NDUFA9: variants seen among roughly 807,000 people sequenced by gnomAD.
NDUFA9 encodes NADH dehydrogenase [ubiquinone] 1 alpha subcomplex subunit 9, mitochondrial.
In NDUFA9, 23 loss-of-function variants were observed where a neutral mutation model predicts 45.9. The ratio of observed to expected loss-of-function variants is 0.50; its 90% confidence interval spans 0.36 to 0.71. The LOEUF (loss-of-function observed/expected upper bound fraction) is 0.71. NDUFA9 is among the 30% of genes least tolerant of loss of function. NDUFA9 has a pLI of 0.00. For synonymous variants in NDUFA9, 176 were observed against 170.5 expected (o/e 1.03, Z -0.25); for missense variants, 466 against 488.2 (o/e 0.95, Z 0.43).
intron 8 of NDUFA9, among the ~76,000 whole-genome samples, chr12:4,676,960 C>T (rs1026530712): frequency 6.6e-6 from 1 of 152,116 alleles, no homozygotes; most frequent in Non-Finnish European, 1.5e-5. Context: ...GGTATATAGA[C>T]CAATGGGACA....
intron 1 of NDUFA9, 44 bp downstream of exon 1, chr12:4,649,219 A>G: frequency 6.3e-7 from 1 of 1,576,344 alleles, no homozygotes. Context: ...GGATTCCGAG[A>G]CGGGGATTTA....
intron 7 of NDUFA9, 45 bp downstream of exon 7, chr12:4,668,569 T>C (rs1299064677): frequency 1.3e-6 from 2 of 1,508,918 alleles, no homozygotes; most frequent in Non-Finnish European, 1.8e-6. Context: ...TTTTGATGAA[T>C]TCAGATTTGA....
intron 8 of NDUFA9, among the ~76,000 whole-genome samples, chr12:4,679,768 G>C (rs537030446): frequency 5.9e-5 from 9 of 152,200 alleles, no homozygotes; most frequent in Non-Finnish European, 1.2e-4. Context: ...GTAAAGAGAA[G>C]GCTATGAAAC....
At chr12:4,662,332 C>G (rs990118074) in intron 5 of NDUFA9, among the ~76,000 whole-genome samples, 3 of 152,218 alleles carry the variant, frequency 2.0e-5, no homozygotes, top group Non-Finnish European at 4.4e-5. Context: ...AGACCCAACC[C>G]AATCTGTAAG....
chr12:4,685,272 G>A lies in NDUFA9; in HGVS notation c.910G>A (p.Val304Ile), dbSNP rs1490425604. 2 of 1,613,990 alleles carry A rather than the reference G, an allele frequency of 1.2e-6. No individual in the cohort carries two copies. Among genetic ancestry groups the A allele is most frequent in the Admixed American group, 1.7e-5 (1 of 60,030 alleles). ...TTCTCTTTCCAGATGGGTAGCAAGA[G>A]TCTTTGAAATAAGCCCATTTGAGCC... ...PLFAYRWVAR[V>I]FEISPFEPWI... Residue 304 changes from valine (V) to isoleucine (I), a missense_variant, in exon 10 of 11, where the codon GTC becomes ATC. Physicochemically the swap from Val to Ile is conservative, Grantham distance 29 (BLOSUM62 3). Transcript: ENST00000266544.
At chr12:4,674,311 C>T (rs1290490148) in intron 8 of NDUFA9, among the ~76,000 whole-genome samples, 2 of 152,180 alleles carry the variant, frequency 1.3e-5, no homozygotes, top group Non-Finnish European at 2.9e-5. Context: ...CAAATTCACA[C>T]ATAACAATAT....
At chr12:4,680,992 AG>A (rs1307839522) in intron 8 of NDUFA9, among the ~76,000 whole-genome samples, 1 of 152,236 alleles carries the variant, frequency 6.6e-6, no homozygotes, top group Non-Finnish European at 1.5e-5. Context: ...GTATGTGATA[AG>A]GGTGACATTT....
At chr12:4,654,494 A>G (rs1945778013) in intron 2 of NDUFA9, 32 bp downstream of exon 2, 1 of 1,608,472 alleles carries the variant, frequency 6.2e-7, no homozygotes, top group African/African-American at 1.3e-5. Flanking sequence ...CATATGCTCC[A>G]TTGCCATTGA....
At chr12:4,666,637 C>G (rs935003781) in intron 6 of NDUFA9, among the ~76,000 whole-genome samples, 2 of 152,056 alleles carry the variant, frequency 1.3e-5, no homozygotes, top group African/African-American at 4.8e-5. Context: ...TTATCTTTCC[C>G]CATTGAATGG....
At chr12:4,668,815 T>G (rs1474080342) in intron 7 of NDUFA9, 14 of 372,258 alleles carry the variant, frequency 3.8e-5, no homozygotes, top group Non-Finnish European at 7.0e-5. Flanking sequence ...GTTCTCAAAT[T>G]GCTTTCAGTC....
In NDUFA9 at chr12:4,662,568, G is replaced by C. The variant is rs138434279; in HGVS notation, c.588G>C (p.Pro196=). The change falls in exon 6 of 11, where the codon CCG becomes CCC. Residue 196 remains proline, a synonymous_variant. Transcript: ENST00000266544. The part of the protein sequence containing the change: ...VGEKVVRDAF[P]EAIIVKPSDI... Reference sequence around the variant, plus strand: ...AGAAAGTAGTGAGAGATGCATTTCCGGAAGCCATTATCGTAAAGCCGTCGG... The same window carrying C: ...AGAAAGTAGTGAGAGATGCATTTCCCGAAGCCATTATCGTAAAGCCGTCGG... 6.2e-7 allele frequency: 1 copy of C among 1,613,878 alleles called. No homozygotes were observed. The highest frequency in any genetic ancestry group is 1.1e-5 in the South Asian group (1 of 91,060).
chr12:4,652,168 A>G (rs1352111636), intron 1 of NDUFA9, among the ~76,000 whole-genome samples: 7 of 152,128 alleles, frequency 4.6e-5, no homozygotes, highest in African/African-American at 1.2e-4. Flanking sequence ...ACAGTGGGTG[A>G]GCTCCTTCTG....
chr12:4,673,819 A>G (rs1252818394), intron 8 of NDUFA9, among the ~76,000 whole-genome samples: 6 of 152,140 alleles, frequency 3.9e-5, no homozygotes, highest in Non-Finnish European at 1.5e-5. Context: ...TACAGAGAAC[A>G]CCACAAAGAT....
intron 8 of NDUFA9, among the ~76,000 whole-genome samples, chr12:4,679,727 G>T (rs1945941614): frequency 6.6e-6 from 1 of 152,186 alleles, no homozygotes; most frequent in African/African-American, 2.4e-5. Context: ...ATTTGGAGAA[G>T]TTTCCCTGTA....
chr12:4,654,589 AT>A, intron 2 of NDUFA9, 127 bp downstream of exon 2: 1 of 1,162,172 alleles, frequency 8.6e-7, no homozygotes, highest in Non-Finnish European at 1.2e-6. Context: ...GATGTATGTA[AT>A]TTTTATTTGT....
In NDUFA9 at chr12:4,689,227, AT is replaced by A. The variant is rs1946005276; in HGVS notation, c.*2123del. ...TTCTGTCTTAACTGTAATTATCTTCATTTTCTAGCAATGCTATTTCTCATCT... is the reference window on the plus strand; with the variant it reads ...TTCTGTCTTAACTGTAATTATCTTCATTTCTAGCAATGCTATTTCTCATCT... On this transcript the variant is annotated 3_prime_UTR_variant, in exon 11 of 11. Coordinates refer to ENST00000266544, the MANE Select transcript of NDUFA9 (RefSeq NM_005002.5). 2 of 152,108 alleles carry A rather than the reference AT, an allele frequency of 1.3e-5. No homozygotes were observed. The highest frequency in any genetic ancestry group is 4.2e-4 in the South Asian group (2 of 4,808). 9.4% of individuals were successfully genotyped at this position (152,108 alleles called of 1,614,324 possible).
chr12:4,649,271 T>C (rs1232126720), intron 1 of NDUFA9, 96 bp downstream of exon 1: 2 of 1,394,386 alleles, frequency 1.4e-6, no homozygotes, highest in Non-Finnish European at 2.0e-6. Context: ...TCACGCCAAC[T>C]TCCTAGGCAC....
At chr12:4,684,530 G>T (rs1412358585) in intron 9 of NDUFA9, among the ~76,000 whole-genome samples, 1 of 152,194 alleles carries the variant, frequency 6.6e-6, no homozygotes, top group Admixed American at 6.5e-5. Context: ...AGCTACTTGG[G>T]AGGCTGAAGT....
At chr12:4,676,950 G>C (rs1317823621) in intron 8 of NDUFA9, among the ~76,000 whole-genome samples, 1 of 152,090 alleles carries the variant, frequency 6.6e-6, no homozygotes, top group Non-Finnish European at 1.5e-5. Flanking sequence ...TACCAAAACA[G>C]GTATATAGAC....
Sources: gnomAD v4.1 joint callset for allele counts (sites outside exome capture counted in the v4.1 genomes callset) on GRCh38, gnomAD v4.1.1 for gene constraint, MANE v1.5 for transcripts, NCBI Gene and HGNC (gene_info 2026-07-23, HGNC 2026-07-21) for gene names.